Variants in TMEFF2 observed in about 807,000 individuals in gnomAD.
The protein encoded by TMEFF2 is tomoregulin-2.
A neutral mutation model predicts 53.8 loss-of-function variants in TMEFF2; 28 were observed. That is an observed-to-expected ratio of 0.52 (90% CI 0.39 to 0.71). TMEFF2 has a LOEUF of 0.71. TMEFF2 is among the 30% of genes least tolerant of loss of function. TMEFF2 has a pLI of 0.00. For missense variants in TMEFF2, 353 were observed against 455.2 expected (o/e 0.78, Z 2.04); for synonymous variants, 162 against 166.3 (o/e 0.97, Z 0.20).
intron 4 of TMEFF2, among the ~76,000 whole-genome samples, chr2:192,061,248 C>G (rs2356763): frequency 2.0e-4 from 31 of 151,890 alleles, no homozygotes; most frequent in Admixed American, 3.9e-4. Flanking sequence ...GTAATTCACT[C>G]TGATAAAAAT....
At chr2:192,008,583 G>A (rs759444724) in intron 5 of TMEFF2, among the ~76,000 whole-genome samples, 28 of 152,066 alleles carry the variant, frequency 1.8e-4, no homozygotes, top group Non-Finnish European at 1.8e-4. Flanking sequence ...AGAGAAGTGC[G>A]GTCGCTCCGA....
chr2:192,118,918 T>C (rs1468428062), intron 4 of TMEFF2, among the ~76,000 whole-genome samples: 2 of 152,174 alleles, frequency 1.3e-5, no homozygotes, highest in African/African-American at 4.8e-5. Context: ...CCAAATTATT[T>C]AGAAAATAGG....
intron 5 of TMEFF2, among the ~76,000 whole-genome samples, chr2:192,025,809 C>T (rs560550333): frequency 1.3e-5 from 2 of 152,178 alleles, no homozygotes; most frequent in South Asian, 4.2e-4. Flanking sequence ...GGGCCTGATC[C>T]ACAAGGGGGA....
intron 5 of TMEFF2, among the ~76,000 whole-genome samples, chr2:192,001,395 G>A (rs1686355227): frequency 6.6e-6 from 1 of 151,796 alleles, no homozygotes; most frequent in African/African-American, 2.4e-5. Flanking sequence ...TAAATGTTTT[G>A]TAAATAGATT....
intron 5 of TMEFF2, among the ~76,000 whole-genome samples, chr2:192,033,718 T>G (rs1687204173): frequency 6.6e-6 from 1 of 152,030 alleles, no homozygotes; most frequent in African/African-American, 2.4e-5. Context: ...AGGCAGATTT[T>G]TACATTTAAA....
At chr2:191,965,990 GAAAAA>G (rs11347194) in intron 7 of TMEFF2, among the ~76,000 whole-genome samples, 4 of 141,254 alleles carry the variant, frequency 2.8e-5, no homozygotes, top group African/African-American at 8.2e-5. Context: ...TTTGATTTAA[GAAAAA>G]AAAAAAAAAC....
intron 5 of TMEFF2, among the ~76,000 whole-genome samples, chr2:192,041,457 GA>G (rs1260509113): frequency 9.2e-5 from 14 of 152,254 alleles, no homozygotes; most frequent in African/African-American, 3.1e-4. Flanking sequence ...CAAAAAGACA[GA>G]TAATTACAAG....
chr2:191,965,211 G>T (rs905041435), intron 7 of TMEFF2, among the ~76,000 whole-genome samples: 1 of 152,076 alleles, frequency 6.6e-6, no homozygotes, highest in Non-Finnish European at 1.5e-5. Context: ...GGGTCTCCCA[G>T]GTACCTCAAA....
chr2:192,168,638 G>C (rs1480986356), intron 4 of TMEFF2, among the ~76,000 whole-genome samples: 1 of 152,032 alleles, frequency 6.6e-6, no homozygotes, highest in Non-Finnish European at 1.5e-5. Flanking sequence ...CTCCTGGCAT[G>C]CCATTATTTT....
chr2:192,161,877 T>A (rs184976757), intron 4 of TMEFF2, among the ~76,000 whole-genome samples: 1 of 152,210 alleles, frequency 6.6e-6, no homozygotes, highest in Admixed American at 6.5e-5. Flanking sequence ...TCATTTCCTG[T>A]GAACACATTA....
chr2:192,065,724 T>C (rs1673084703), intron 4 of TMEFF2, among the ~76,000 whole-genome samples: 1 of 151,776 alleles, frequency 6.6e-6, no homozygotes. Flanking sequence ...ACTATCGAGT[T>C]ATGAACAATT....
chr2:192,115,517 C>A (rs577823330), intron 4 of TMEFF2, among the ~76,000 whole-genome samples: 1 of 151,864 alleles, frequency 6.6e-6, no homozygotes, highest in Non-Finnish European at 1.5e-5. Context: ...TTCTACAGAG[C>A]AAATGAAACA....
intron 4 of TMEFF2, among the ~76,000 whole-genome samples, chr2:192,109,386 C>G (rs1689224375): frequency 6.6e-6 from 1 of 152,000 alleles, no homozygotes; most frequent in African/African-American, 2.4e-5. Flanking sequence ...TGGTTGCTAC[C>G]TCTTATCAAT....
At chr2:192,050,384 A>AT (rs1687737945) in intron 5 of TMEFF2, among the ~76,000 whole-genome samples, 1 of 152,210 alleles carries the variant, frequency 6.6e-6, no homozygotes, top group Non-Finnish European at 1.5e-5. Context: ...ATTTTTTTAA[A>AT]TAAAAAAGGT....
chr2:192,122,278 T>A (rs1488796510), intron 4 of TMEFF2, among the ~76,000 whole-genome samples: 1 of 152,080 alleles, frequency 6.6e-6, no homozygotes, highest in African/African-American at 2.4e-5. Flanking sequence ...TTCTTAATGC[T>A]AAAAAAAGGT....
intron 4 of TMEFF2, among the ~76,000 whole-genome samples, chr2:192,157,975 T>A (rs1690545572): frequency 6.6e-6 from 1 of 152,106 alleles, no homozygotes; most frequent in Non-Finnish European, 1.5e-5. Context: ...GTTTGCCAAG[T>A]TCTTACCTGT....
intron 7 of TMEFF2, among the ~76,000 whole-genome samples, chr2:191,971,633 C>A (rs1227024398): frequency 6.6e-6 from 1 of 152,124 alleles, no homozygotes; most frequent in Admixed American, 6.5e-5. Flanking sequence ...TCTAAATTTA[C>A]TAGAGCTTGA....
intron 5 of TMEFF2, among the ~76,000 whole-genome samples, chr2:192,008,254 C>T (rs1686547183): frequency 6.6e-6 from 1 of 152,152 alleles, no homozygotes; most frequent in African/African-American, 2.4e-5. Flanking sequence ...CTTATTAACG[C>T]CCACTGTGTT....
chr2:192,148,713 A>C (rs1381637393), intron 4 of TMEFF2, among the ~76,000 whole-genome samples: 1 of 152,032 alleles, frequency 6.6e-6, no homozygotes, highest in Non-Finnish European at 1.5e-5. Flanking sequence ...GTGCAAAATT[A>C]ATCTGGCCAG....
Sources: allele counts gnomAD v4.1 joint callset (sites outside exome capture counted in the v4.1 genomes callset), GRCh38; gene constraint gnomAD v4.1.1; transcripts MANE v1.5; gene names NCBI Gene and HGNC (gene_info 2026-07-23, HGNC 2026-07-21).